Variants in PRKN observed in about 807,000 individuals in gnomAD.
PRKN encodes the protein parkin RBR E3 ubiquitin protein ligase.
PRKN carries 56 observed loss-of-function variants against 59.5 expected under a neutral mutation model. That is an observed-to-expected ratio of 0.94 (90% CI 0.76 to 1.18). The LOEUF is 1.18. Among genes scored for constraint, PRKN ranks in the 50% most tolerant of loss-of-function variants. The pLI, the probability that PRKN is intolerant of heterozygous loss-of-function variation, is 0.00. For synonymous variants in PRKN, 250 were observed against 222.1 expected, an observed-to-expected ratio of 1.13 and a Z score of -1.12; for missense variants, 657 against 596.4, an observed-to-expected ratio of 1.10 and a Z score of -1.06.
chr6:162,111,658 CA>C (rs1165779537), intron 4 of PRKN, among the ~76,000 whole-genome samples: 1 of 151,738 alleles, frequency 6.6e-6, no homozygotes, highest in African/African-American at 2.4e-5. Context: ...TAGAGTAAAT[CA>C]CTGCGGTACT....
chr6:161,658,422 A>C (rs947273993), intron 7 of PRKN, among the ~76,000 whole-genome samples: 2 of 152,222 alleles, frequency 1.3e-5, no homozygotes, highest in Admixed American at 6.5e-5. Flanking sequence ...CAGCAAAGTT[A>C]ATCATTTAAA....
At chr6:161,993,493 T>C (rs1372687724) in intron 5 of PRKN, among the ~76,000 whole-genome samples, 1 of 152,138 alleles carries the variant, frequency 6.6e-6, no homozygotes, top group South Asian at 2.1e-4. Flanking sequence ...ACAAGACGGA[T>C]TAACTGCAGA....
rs551629392 is a variant in PRKN, at chr6:162,454,676, C to T, written c.8-11203G>A. Among the ~76,000 whole-genome samples, 290 of 152,318 alleles carry T rather than the reference C, an allele frequency of 1.9e-3. 1 individual carries two copies. The highest frequency in any genetic ancestry group is 3.5e-3 in the Non-Finnish European group (240 of 68,030). ...GTTCTCCTATTCCTCACACACCGTT[C>T]CTTCAAACAGATATGTCTGGAAACA... On this transcript the variant is annotated intron_variant, in intron 1 of 11. Transcript: ENST00000366898.
chr6:162,307,018 C>G (rs998359419), intron 2 of PRKN, among the ~76,000 whole-genome samples: 1 of 152,160 alleles, frequency 6.6e-6, no homozygotes, highest in African/African-American at 2.4e-5. Context: ...TTAAAACTAT[C>G]TATCTGTGGG....
At chr6:161,416,224 GGC>G (rs1417952799) in intron 9 of PRKN, among the ~76,000 whole-genome samples, 1 of 152,114 alleles carries the variant, frequency 6.6e-6, no homozygotes, top group Non-Finnish European at 1.5e-5. Context: ...AATGACCAGT[GGC>G]CCTCAGAGCT....
chr6:162,487,385 C>T (rs1178302527), intron 1 of PRKN, among the ~76,000 whole-genome samples: 1 of 152,180 alleles, frequency 6.6e-6, no homozygotes, highest in Non-Finnish European at 1.5e-5. Flanking sequence ...GACTGGTTTT[C>T]TGAGGCTGTG....
rs543169155 is a variant in PRKN, at chr6:162,389,220, T to C, written c.171+54090A>G. Among the ~76,000 whole-genome samples, 4 of 152,078 alleles carry C rather than the reference T, an allele frequency of 2.6e-5. No individual in the cohort carries two copies. The South Asian group carries it at 6.2e-4, about 24-fold the overall frequency. ...GGGCTGGGATGGGCCACACAACATA[T>C]AGGAGCCCAAATAGCAAGAAGGCAG... On this transcript the variant is annotated intron_variant, in intron 2 of 11. Coordinates refer to ENST00000366898, the MANE Select transcript of PRKN (RefSeq NM_004562.3).
At chr6:162,061,942 A>G (rs1261152984) in intron 4 of PRKN, among the ~76,000 whole-genome samples, 1 of 152,238 alleles carries the variant, frequency 6.6e-6, no homozygotes, top group Non-Finnish European at 1.5e-5. Context: ...TTGGAAGACA[A>G]CTGGAATATA....
chr6:162,357,513 A>G (rs186712962), intron 2 of PRKN, among the ~76,000 whole-genome samples: 1 of 152,346 alleles, frequency 6.6e-6, no homozygotes, highest in African/African-American at 2.4e-5. Flanking sequence ...AATGTGGAGC[A>G]AAAAGAACTC....
intron 7 of PRKN, among the ~76,000 whole-genome samples, chr6:161,781,373 A>G (rs920539847): frequency 6.6e-6 from 1 of 152,204 alleles, no homozygotes; most frequent in Admixed American, 6.5e-5. Context: ...GCAACGCAAC[A>G]TCTTTCCATC....
chr6:161,667,912 T>G (rs1784779772), intron 7 of PRKN, among the ~76,000 whole-genome samples: 1 of 152,206 alleles, frequency 6.6e-6, no homozygotes. Context: ...ATTTAACATT[T>G]CAGATAATCA....
chr6:161,992,344 A>AG (rs1468856862), intron 5 of PRKN, among the ~76,000 whole-genome samples: 4 of 152,202 alleles, frequency 2.6e-5, no homozygotes, highest in South Asian at 2.1e-4. Flanking sequence ...TGTCTTTAAA[A>AG]AAGAGAGAGA....
At chr6:161,517,721 C>G (rs1403578149) in intron 9 of PRKN, among the ~76,000 whole-genome samples, 3 of 105,538 alleles carry the variant, frequency 2.8e-5, no homozygotes, top group African/African-American at 1.1e-4. Context: ...GCCTGGGTGA[C>G]AGAGTGAGAC....
chr6:161,633,824 G>C (rs144483973), intron 7 of PRKN, among the ~76,000 whole-genome samples: 1 of 152,082 alleles, frequency 6.6e-6, no homozygotes, highest in Non-Finnish European at 1.5e-5. Context: ...TCTAACAGGG[G>C]ACAAGATGCA....
chr6:161,921,440 ATAAT>A (rs1778782814), intron 6 of PRKN, among the ~76,000 whole-genome samples: 1 of 152,262 alleles, frequency 6.6e-6, no homozygotes, highest in Non-Finnish European at 1.5e-5. Flanking sequence ...AACCAGTAAC[ATAAT>A]TATTCATGAC....
intron 3 of PRKN, among the ~76,000 whole-genome samples, chr6:162,215,343 T>A (rs1037840696): frequency 6.6e-6 from 1 of 152,190 alleles, no homozygotes; most frequent in East Asian, 1.9e-4. Flanking sequence ...AAAAAGTCTT[T>A]CAGCTTGCAA....
intron 2 of PRKN, among the ~76,000 whole-genome samples, chr6:162,325,867 T>C (rs965307654): frequency 5.9e-5 from 9 of 152,170 alleles, no homozygotes; most frequent in African/African-American, 1.7e-4. Context: ...AAACAAATTG[T>C]ATACATTTTA....
intron 5 of PRKN, among the ~76,000 whole-genome samples, chr6:161,997,691 CA>C (rs1177068719): frequency 2.6e-4 from 39 of 152,178 alleles, no homozygotes; most frequent in Non-Finnish European, 5.9e-5. Flanking sequence ...TCTACATGTA[CA>C]AATCTAGTTT....
In PRKN at chr6:161,448,589, G is replaced by A. The variant is rs897214108; in HGVS notation, c.1084-61712C>T. Among the ~76,000 whole-genome samples, 2 of 152,186 alleles carry A rather than the reference G, an allele frequency of 1.3e-5. No homozygotes were observed. The highest frequency in any genetic ancestry group is 2.4e-5 in the African/African-American group (1 of 41,506). ...TCTTCTTTCTCTTTCTCTGTCCCCC[G>A]AGGTAGCATCTATGCTGACGTTCCC... is the stretch of plus-strand genomic sequence containing the variant. On this transcript the variant is annotated intron_variant, in intron 9 of 11. Coordinates refer to ENST00000366898, the MANE Select transcript of PRKN (RefSeq NM_004562.3). This position sits in a 1 kb window ranked among gnomAD's most constrained non-coding sequence, Gnocchi z 5.1.
Sources: allele counts gnomAD v4.1 joint callset (sites outside exome capture counted in the v4.1 genomes callset), GRCh38; gene constraint gnomAD v4.1.1; non-coding constraint Gnocchi (gnomAD v3.1); transcripts MANE v1.5; gene names NCBI Gene and HGNC (gene_info 2026-07-23, HGNC 2026-07-21).